Variants in RBFOX1 observed in about 807,000 individuals in gnomAD.
The protein encoded by RBFOX1 is RNA binding protein fox-1 homolog 1.
Under a neutral mutation model 57.7 loss-of-function variants are expected in RBFOX1, and 8 were observed. That is an observed-to-expected ratio of 0.14 (90% CI 0.08 to 0.25). The LOEUF is 0.25. RBFOX1 is among the 10% of genes least tolerant of loss of function. The pLI is 1.00. For missense variants in RBFOX1, 611 were observed against 548.5 expected (o/e 1.11, Z -1.14); for synonymous variants, 326 against 222.4 (o/e 1.47, Z -4.15).
At chr16:6,682,967 G>A (rs915611655) in intron 3 of RBFOX1, among the ~76,000 whole-genome samples, 18 of 151,816 alleles carry the variant, frequency 1.2e-4, no homozygotes, top group Non-Finnish European at 2.1e-4. Flanking sequence ...CATAGGGGTT[G>A]ACAAGCTGCA....
intron 9 of RBFOX1, among the ~76,000 whole-genome samples, chr16:7,604,344 C>T (rs1183249488): frequency 6.6e-6 from 1 of 152,176 alleles, no homozygotes; most frequent in African/African-American, 2.4e-5. Context: ...GACACCTGCA[C>T]TCATGTTCCC....
intron 1 of RBFOX1, among the ~76,000 whole-genome samples, chr16:6,239,002 C>T (rs549876964): frequency 6.6e-6 from 1 of 152,110 alleles, no homozygotes; most frequent in East Asian, 1.9e-4. Context: ...TTCATTCTTT[C>T]TTACTATTTT....
chr16:7,397,037 G>C (rs1169780762), intron 4 of RBFOX1, among the ~76,000 whole-genome samples: 2 of 152,178 alleles, frequency 1.3e-5, no homozygotes, highest in African/African-American at 2.4e-5. Flanking sequence ...TGAGCTTTAG[G>C]AGAACGTGAG....
At chr16:7,164,279 T>C (rs998040014) in intron 4 of RBFOX1, among the ~76,000 whole-genome samples, 1 of 152,224 alleles carries the variant, frequency 6.6e-6, no homozygotes, top group Non-Finnish European at 1.5e-5. Context: ...TCCAGGTTGC[T>C]GCAAATGCCA....
rs575167985 is a variant in RBFOX1, at chr16:5,430,301, C to A, written c.220-36915C>A. ...TCAGGGGAGGCCTCTCAAAGTGACACCTGAAAGATAAATGGGAGTTAGCTG... is the reference window on the plus strand; with the variant it reads ...TCAGGGGAGGCCTCTCAAAGTGACAACTGAAAGATAAATGGGAGTTAGCTG... On this transcript the variant is annotated intron_variant, in intron 1 of 2. Transcript: ENST00000585867. Among the ~76,000 whole-genome samples the A allele has an allele frequency of 1.9e-4, 29 of 152,006 alleles. 1 individual carries two copies. Among genetic ancestry groups the A allele is most frequent in the Non-Finnish European group, 3.2e-4 (22 of 67,964 alleles).
chr16:6,311,283 G>A (rs1362850124), intron 1 of RBFOX1, among the ~76,000 whole-genome samples: 5 of 118,908 alleles, frequency 4.2e-5, no homozygotes, highest in Non-Finnish European at 6.6e-5. Flanking sequence ...GTGACAGTAC[G>A]AGACTCTGTC....
intron 2 of RBFOX1, among the ~76,000 whole-genome samples, chr16:6,647,742 C>A (rs1190854954): frequency 6.6e-6 from 1 of 152,044 alleles, no homozygotes; most frequent in Non-Finnish European, 1.5e-5. Context: ...TGATGTGTTG[C>A]ATTTTTTTTT....
chr16:7,682,612 T>A (rs1308041080), intron 14 of RBFOX1, among the ~76,000 whole-genome samples: 31 of 151,312 alleles, frequency 2.0e-4, no homozygotes, highest in Admixed American at 7.9e-4. Context: ...TATAATTTTT[T>A]TTAAAAAAAA....
chr16:7,051,644 C>G (rs2050122144), intron 3 of RBFOX1, among the ~76,000 whole-genome samples: 1 of 152,156 alleles, frequency 6.6e-6, no homozygotes, highest in African/African-American at 2.4e-5. Flanking sequence ...TTGGAGAAGA[C>G]TTTGTGTGTT....
At chr16:6,220,468 A>G (rs995089606) in intron 1 of RBFOX1, among the ~76,000 whole-genome samples, 15 of 152,194 alleles carry the variant, frequency 9.9e-5, no homozygotes, top group Non-Finnish European at 1.9e-4. Flanking sequence ...CATTTCTCCT[A>G]GATTCCCTCA....
intron 2 of RBFOX1, among the ~76,000 whole-genome samples, chr16:6,584,050 C>G (rs1167206416): frequency 2.0e-5 from 3 of 150,648 alleles, no homozygotes; most frequent in African/African-American, 7.3e-5. Context: ...GTAGAAGGTT[C>G]TTTTAACAAT....
intron 2 of RBFOX1, among the ~76,000 whole-genome samples, chr16:5,548,177 ATATATATAT>A (rs2045311158): frequency 1.2e-4 from 5 of 40,858 alleles, no homozygotes; most frequent in African/African-American, 3.6e-4. Flanking sequence ...AAAAAAAAAT[ATATATATAT>A]ATATATATAT....
At chr16:6,362,349 A>C (rs1046270831) in intron 2 of RBFOX1, among the ~76,000 whole-genome samples, 1 of 152,080 alleles carries the variant, frequency 6.6e-6, no homozygotes, top group Non-Finnish European at 1.5e-5. Context: ...ACATCTTACA[A>C]ATTTGATGAT....
chr16:7,200,537 G>T (rs915684037), intron 4 of RBFOX1, among the ~76,000 whole-genome samples: 1 of 152,166 alleles, frequency 6.6e-6, no homozygotes, highest in Non-Finnish European at 1.5e-5. Flanking sequence ...TGCTTGCATG[G>T]AGCTCATATT....
intron 1 of RBFOX1, among the ~76,000 whole-genome samples, chr16:5,378,563 C>G (rs60602687): frequency 0.14 from 21,157 of 151,386 alleles, 1,770 homozygotes; most frequent in South Asian, 0.2. Flanking sequence ...GCAAGTTGTC[C>G]CAGTTATACC....
intron 4 of RBFOX1, among the ~76,000 whole-genome samples, chr16:5,974,789 A>T (rs139522887): frequency 0.013 from 2,017 of 152,228 alleles, 16 homozygotes; most frequent in Non-Finnish European, 0.019. Context: ...TGGGAGGATC[A>T]CCTGAGGTCG....
At chr16:5,582,185 C>T (rs993098579) in intron 2 of RBFOX1, among the ~76,000 whole-genome samples, 2 of 152,198 alleles carry the variant, frequency 1.3e-5, no homozygotes. Flanking sequence ...AGACCTCACT[C>T]CCATGAGGTT....
At chr16:6,985,137 C>G (rs1479958343) in intron 3 of RBFOX1, among the ~76,000 whole-genome samples, 1 of 152,060 alleles carries the variant, frequency 6.6e-6, no homozygotes, top group African/African-American at 2.4e-5. Flanking sequence ...CCTACCCTAC[C>G]CTCTTCTTTC....
At chr16:7,006,109 C>T (rs192623078) in intron 3 of RBFOX1, among the ~76,000 whole-genome samples, 213 of 152,240 alleles carry the variant, frequency 1.4e-3, no homozygotes, top group Middle Eastern at 3.4e-3. Flanking sequence ...TACATTTAAA[C>T]ATCTTTGGCT....
Sources: gnomAD v4.1 joint callset for allele counts (sites outside exome capture counted in the v4.1 genomes callset) on GRCh38, gnomAD v4.1.1 for gene constraint, MANE v1.5 for transcripts, NCBI Gene and HGNC (gene_info 2026-07-23, HGNC 2026-07-21) for gene names.